The following DENND6A variants were observed in gnomAD, a reference collection of about 807,000 sequenced individuals.
The protein encoded by DENND6A is protein DENND6A.
Under a neutral mutation model 95.5 loss-of-function variants are expected in DENND6A, and 43 were observed. The ratio of observed to expected loss-of-function variants is 0.45; its 90% CI spans 0.35 to 0.58. DENND6A has a LOEUF of 0.58. Among genes scored for constraint, DENND6A ranks in the 20% least tolerant of loss-of-function variants. DENND6A has a pLI of 0.00. For missense variants in DENND6A, 574 were observed against 736.0 expected, an observed-to-expected ratio of 0.78 and a Z score of 2.55; for synonymous variants, 257 against 260.4, an observed-to-expected ratio of 0.99 and a Z score of 0.13.
At chr3:57,658,988 A>C (rs1446058577) in intron 8 of DENND6A, 130 bp downstream of exon 8, 9 of 775,946 alleles carry the variant, frequency 1.2e-5, no homozygotes, top group Non-Finnish European at 1.8e-5. Flanking sequence ...ATTAAAAATT[A>C]TTTAATGGGA....
chr3:57,638,651 C>G (rs1015793162), intron 12 of DENND6A, among the ~76,000 whole-genome samples: 1 of 151,666 alleles, frequency 6.6e-6, no homozygotes, highest in East Asian at 1.9e-4. Flanking sequence ...GGTGAGACTC[C>G]GTTTCAAAAA....
Position 57,625,867 on chromosome 3 carries a change from C to CAAAATAGACTTGA in DENND6A, c.*2334_*2346dup, listed in dbSNP as rs2070516564. The CAAAATAGACTTGA allele has an allele frequency of 6.6e-6, 1 of 152,450 alleles. No individual in the cohort carries two copies. The highest frequency in any genetic ancestry group is 2.1e-4 in the South Asian group (1 of 4,834). 9.4% of individuals were successfully genotyped at this position (152,450 alleles called of 1,614,324 possible). A position where few individuals can be genotyped will look rare whatever the true frequency, so the allele number is the denominator to read the frequency against. Reference sequence around the variant, plus strand: ...CATCTTTTGCTACTGTTTAGCTGTGCAAAATAGACTTGAAATGATACATCC... The same window carrying CAAAATAGACTTGA: ...CATCTTTTGCTACTGTTTAGCTGTGCAAAATAGACTTGAAAAATAGACTTGAAATGATACATCC... On this transcript the variant is annotated 3_prime_UTR_variant, in exon 20 of 20. Coordinates refer to ENST00000311128, the MANE Select transcript of DENND6A (RefSeq NM_152678.3).
rs951342487 is a variant in DENND6A, at chr3:57,663,581, T to C, written c.513+55A>G. On this transcript the variant is annotated intron_variant, in intron 5 of 19. Transcript: ENST00000311128. ...AGACTCTTAAATCTAACACTTTCTA[T>C]TTTTCTAATCACAAAATAAAAAATA... 7 of 1,311,910 alleles carry C rather than the reference T, an allele frequency of 5.3e-6. No individual in the cohort carries two copies. In the African/African-American group the frequency reaches 7.5e-5, roughly 14 times the overall value. The allele number at this position is 1,311,910 out of a possible 1,614,324, so 81.3% of individuals were successfully genotyped here.
intron 9 of DENND6A, chr3:57,654,490 G>A: frequency 5.2e-6 from 2 of 384,432 alleles, no homozygotes; most frequent in Non-Finnish European, 7.1e-6. Context: ...GTCACAATAG[G>A]GAACAGGGGA....
intron 3 of DENND6A, among the ~76,000 whole-genome samples, chr3:57,669,466 A>G (rs1331078121): frequency 6.6e-6 from 1 of 152,114 alleles, no homozygotes; most frequent in African/African-American, 2.4e-5. Flanking sequence ...CTCTAATCTC[A>G]GCACTTTGGG....
intron 1 of DENND6A, among the ~76,000 whole-genome samples, chr3:57,678,095 C>A (rs2077125225): frequency 2.6e-5 from 4 of 151,964 alleles, no homozygotes; most frequent in Admixed American, 2.6e-4. Flanking sequence ...GGAAATGATT[C>A]TTTTTTAAAA....
intron 11 of DENND6A, among the ~76,000 whole-genome samples, chr3:57,642,418 G>A (rs1033370774): frequency 6.6e-6 from 1 of 151,898 alleles, no homozygotes; most frequent in Non-Finnish European, 1.5e-5. Context: ...ACAGGAAGAC[G>A]TGAAAGATGA....
chr3:57,639,783 C>CT (rs2070883603), intron 12 of DENND6A, among the ~76,000 whole-genome samples: 1 of 149,354 alleles, frequency 6.7e-6, no homozygotes, highest in Non-Finnish European at 1.5e-5. Context: ...GCTTTTTCCT[C>CT]TATTTCATAA....
chr3:57,659,649 G>C (rs1328534793), intron 7 of DENND6A, among the ~76,000 whole-genome samples: 1 of 152,174 alleles, frequency 6.6e-6, no homozygotes, highest in African/African-American at 2.4e-5. Flanking sequence ...AATGCAGAGA[G>C]AGAACATTGT....
At chr3:57,673,717 C>T (rs2071659539) in intron 1 of DENND6A, among the ~76,000 whole-genome samples, 1 of 151,984 alleles carries the variant, frequency 6.6e-6, no homozygotes, top group African/African-American at 2.4e-5. Flanking sequence ...TATTATATAT[C>T]CACAATAATG....
chr3:57,659,077 C>CTATAT lies in DENND6A; in HGVS notation c.762+36_762+40dup. 3 of 1,595,758 alleles carry CTATAT rather than the reference C, an allele frequency of 1.9e-6. No homozygotes were observed. In the South Asian group the frequency reaches 3.3e-5, roughly 18 times the overall value. On this transcript the variant is annotated intron_variant, in intron 8 of 19. Coordinates refer to ENST00000311128, the MANE Select transcript of DENND6A (RefSeq NM_152678.3). ...TAGTTTAAAAATTCTGTTAAAGAGA[C>CTATAT]TATATATGTGCTGGATCATTCTACC...
At chr3:57,691,096 G>T (rs529228765) in intron 1 of DENND6A, among the ~76,000 whole-genome samples, 2 of 152,120 alleles carry the variant, frequency 1.3e-5, no homozygotes, top group African/African-American at 4.8e-5. Context: ...ACATATTCAC[G>T]TTATAAAGAA....
chr3:57,631,557 C>T (rs1004261386), intron 15 of DENND6A, among the ~76,000 whole-genome samples: 6 of 152,032 alleles, frequency 3.9e-5, no homozygotes. Context: ...AGATAATGCA[C>T]TCAACATTTT....
At chr3:57,673,008 A>G (rs1422415552) in intron 1 of DENND6A, among the ~76,000 whole-genome samples, 2 of 151,802 alleles carry the variant, frequency 1.3e-5, no homozygotes, top group African/African-American at 4.8e-5. Flanking sequence ...AGACGTGCAG[A>G]GTTCAATACC....
chr3:57,687,852 G>A (rs1158778176), intron 1 of DENND6A, among the ~76,000 whole-genome samples: 2 of 151,048 alleles, frequency 1.3e-5, no homozygotes, highest in Non-Finnish European at 2.9e-5. Context: ...AGGATCACCT[G>A]AGCCGAGAGT....
chr3:57,638,428 C>A (rs761115153), intron 12 of DENND6A, among the ~76,000 whole-genome samples: 8 of 151,678 alleles, frequency 5.3e-5, no homozygotes, highest in Non-Finnish European at 8.8e-5. Flanking sequence ...GAGGCCAAGG[C>A]GGGTGGATCA....
intron 3 of DENND6A, among the ~76,000 whole-genome samples, chr3:57,670,225 G>C (rs945679282): frequency 6.6e-6 from 1 of 151,998 alleles, no homozygotes; most frequent in Non-Finnish European, 1.5e-5. Context: ...CACTAACTGG[G>C]GCCTGTGAAA....
At chr3:57,628,966 G>T in intron 18 of DENND6A, 81 bp from the exon 19 acceptor site, 1 of 1,256,270 alleles carries the variant, frequency 8.0e-7, no homozygotes, top group Non-Finnish European at 1.1e-6. Flanking sequence ...AGGCTACTGT[G>T]AAGGAAAGAC....
chr3:57,647,089 T>C (rs780160363), intron 9 of DENND6A, among the ~76,000 whole-genome samples: 1 of 152,110 alleles, frequency 6.6e-6, no homozygotes, highest in African/African-American at 2.4e-5. Context: ...GGTAAAAAAT[T>C]TTCCTAGTAG....
Sources: gnomAD v4.1 joint callset for allele counts (sites outside exome capture counted in the v4.1 genomes callset) on GRCh38, gnomAD v4.1.1 for gene constraint, MANE v1.5 for transcripts, NCBI Gene and HGNC (gene_info 2026-07-23, HGNC 2026-07-21) for gene names.